The following SH2D4B variants were observed in gnomAD, a reference collection of about 807,000 sequenced individuals.
SH2D4B encodes the protein SH2 domain containing 4B.
SH2D4B carries 45 observed loss-of-function variants against 61.5 expected under a neutral mutation model. That is an observed-to-expected ratio of 0.73 (90% CI 0.58 to 0.94). SH2D4B has a LOEUF of 0.94. SH2D4B is among the 40% of genes least tolerant of loss of function. The probability of loss-of-function intolerance (pLI) is 0.00; values close to 1 mark genes in which losing one functional copy is unlikely to be tolerated. For missense variants in SH2D4B, 572 were observed against 574.2 expected (o/e 1.00, Z 0.04); for synonymous variants, 224 against 220.4 (o/e 1.02, Z -0.14).
chr10:80,559,052 T>C (rs997566175), intron 1 of SH2D4B, among the ~76,000 whole-genome samples: 1 of 152,144 alleles, frequency 6.6e-6, no homozygotes, highest in African/African-American at 2.4e-5. Flanking sequence ...TCTAATGGTA[T>C]ATATTTTTGT....
At chr10:80,572,704 C>CT (rs1349691112) in intron 3 of SH2D4B, among the ~76,000 whole-genome samples, 1 of 151,694 alleles carries the variant, frequency 6.6e-6, no homozygotes, top group Non-Finnish European at 1.5e-5. Context: ...ACTGCAACCT[C>CT]TGCCTCCCGG....
At chr10:80,540,800 C>G in intron 1 of SH2D4B, 1 of 1,546,520 alleles carries the variant, frequency 6.5e-7, no homozygotes, top group Non-Finnish European at 8.7e-7. Context: ...ACTCGAGTGC[C>G]AAGGGTGAGG....
In SH2D4B at chr10:80,634,415, T is replaced by C. The variant is rs1842870897; in HGVS notation, c.1119T>C (p.Phe373=). The change falls in exon 7 of 8, where the codon TTT becomes TTC. Residue 373 remains phenylalanine (F), a synonymous_variant. Coordinates refer to ENST00000646907, the MANE Select transcript of SH2D4B (RefSeq NM_001388272.1). Reference sequence around the variant, plus strand: ...GCCTGCAGAAAGGGTTCAAACACTTTCTTGTGGATGCTTCTGGGGATTTTT... The same window carrying C: ...GCCTGCAGAAAGGGTTCAAACACTTCCTTGTGGATGCTTCTGGGGATTTTT... ...SYRLQKGFKH[F]LVDASGDFYS... is the part of the protein sequence containing the mutation. 1.3e-6 allele frequency: 2 copies of C among 1,550,560 alleles called. No individual in the cohort carries two copies. The highest frequency in any genetic ancestry group is 1.7e-6 in the Non-Finnish European group (2 of 1,146,978).
At position 80,538,244 on chromosome 10, in the gene SH2D4B, C is replaced by T. The variant is rs148380846; in HGVS notation, c.-88C>T. 2,160 of 1,128,744 alleles carry T rather than the reference C, an allele frequency of 1.9e-3. 23 individuals carry two copies. In the African/African-American group the frequency reaches 0.026, roughly 14 times the overall value. 69.9% of individuals were successfully genotyped at this position (1,128,744 alleles called of 1,614,324 possible). A position where few individuals can be genotyped will look rare whatever the true frequency, so the allele number is the denominator to read the frequency against. On this transcript the variant is annotated 5_prime_UTR_variant, in exon 1 of 8. Transcript: ENST00000646907. The surrounding 1 kb of genome is among the most constrained non-coding windows in gnomAD (Gnocchi z 4.8). ...GAGAGTGGCCCCGGATTGAGCAGTC[C>T]GTAGTGCAGAGCAGCCCCTCGGGCG...
intron 3 of SH2D4B, among the ~76,000 whole-genome samples, chr10:80,585,020 G>T (rs531162673): frequency 6.6e-6 from 1 of 152,334 alleles, no homozygotes; most frequent in East Asian, 1.9e-4. Flanking sequence ...AGAGACTGCT[G>T]ATTTTCATTA....
chr10:80,608,387 G>A (rs1184302433), intron 5 of SH2D4B, among the ~76,000 whole-genome samples: 1 of 152,136 alleles, frequency 6.6e-6, no homozygotes, highest in African/African-American at 2.4e-5. Flanking sequence ...GATTACAGGC[G>A]TGAGCCACCG....
intron 6 of SH2D4B, among the ~76,000 whole-genome samples, chr10:80,631,560 T>C (rs1490668524): frequency 6.6e-6 from 1 of 152,244 alleles, no homozygotes; most frequent in Admixed American, 6.5e-5. Flanking sequence ...AACCTAAATG[T>C]CTATTAACAG....
At chr10:80,568,075 A>C (rs1841993461) in intron 1 of SH2D4B, among the ~76,000 whole-genome samples, 1 of 151,762 alleles carries the variant, frequency 6.6e-6, no homozygotes, top group Non-Finnish European at 1.5e-5. Context: ...TCTAAAAATA[A>C]GTGTGAGAGA....
chr10:80,565,214 T>C (rs1054188066), intron 1 of SH2D4B, among the ~76,000 whole-genome samples: 4 of 152,298 alleles, frequency 2.6e-5, no homozygotes, highest in South Asian at 2.1e-4. Context: ...AGGACTCAAA[T>C]AGAGAACAAC....
intron 4 of SH2D4B, among the ~76,000 whole-genome samples, chr10:80,594,813 C>T (rs948915804): frequency 6.6e-6 from 1 of 152,110 alleles, no homozygotes; most frequent in Non-Finnish European, 1.5e-5. Flanking sequence ...CCTTAATTCA[C>T]CTTTTCCACT....
In SH2D4B at chr10:80,603,771, C is replaced by T. The variant is rs780799414; in HGVS notation, c.836C>T (p.Pro279Leu). The change falls in exon 5 of 8, where the codon CCG (proline) becomes CTG (leucine). Residue 279 changes from proline (P) to leucine (L), a missense_variant. Transcript: ENST00000646907. The stretch of plus-strand genomic sequence containing the variant: ...CACCACCTCCCCGACCCGGGTCTGC[C>T]GCAGCCCCTTGCCCTGCCGGTCAGG... ...LYHHLPDPGLPQPLALPVSRT... is the reference protein window; with the variant it reads ...LYHHLPDPGLLQPLALPVSRT... 2.0e-5 allele frequency: 33 copies of T among 1,611,212 alleles called. No individual in the cohort carries two copies. The highest frequency in any genetic ancestry group is 1.7e-4 in the Middle Eastern group (1 of 5,732).
At chr10:80,609,286 GCCCCTTCTTCCACCC>G in intron 5 of SH2D4B, 123 bp from the exon 6 acceptor site, 1 of 691,944 alleles carries the variant, frequency 1.4e-6, no homozygotes, top group Non-Finnish European at 2.2e-6. Context: ...GCCCTCCCCT[GCCCCTTCTTCCACCC>G]CCCCTTCCTC....
chr10:80,568,736 T>C (rs149069370), intron 1 of SH2D4B, among the ~76,000 whole-genome samples: 36 of 152,356 alleles, frequency 2.4e-4, no homozygotes, highest in African/African-American at 8.4e-4. Context: ...CAAATTTCTG[T>C]ATTTGTTCTA....
rs138900964 is a variant in SH2D4B, at chr10:80,609,565, T to C, written c.988+14T>C. The C allele has an allele frequency of 6.2e-7, 1 of 1,613,762 alleles. No individual in the cohort carries two copies. The highest frequency in any genetic ancestry group is 1.3e-5 in the African/African-American group (1 of 75,070). ...CCTGGTTCCATGGTAGCACCATTTT[T>C]CTGGGCCCTGTGCCAGATGATTTCC... On this transcript the variant is annotated intron_variant, in intron 6 of 7. Transcript: ENST00000646907.
chr10:80,599,649 G>A (rs1464547442), intron 4 of SH2D4B, among the ~76,000 whole-genome samples: 1 of 152,172 alleles, frequency 6.6e-6, no homozygotes, highest in Non-Finnish European at 1.5e-5. Flanking sequence ...GGACCACAAG[G>A]GTGGTTGGCT....
chr10:80,592,505 T>G (rs1185288063), intron 4 of SH2D4B, among the ~76,000 whole-genome samples: 2 of 152,220 alleles, frequency 1.3e-5, no homozygotes, highest in East Asian at 3.8e-4. Context: ...CTTTATAGGT[T>G]TAGCCCTTAC....
rs916271651 is a variant in SH2D4B, at chr10:80,539,583, G to GC, written c.184+1074dup. ...CACCTGACAGACTCCATCAGGAGTG[G>GC]CCCCCCTGCCCTGGAGTGTTCAGGG... On this transcript the variant is annotated intron_variant, in intron 1 of 7. Transcript: ENST00000646907. The surrounding 1 kb of genome is among the most constrained non-coding windows in gnomAD (Gnocchi z 4.9). 9.8e-5 allele frequency among the ~76,000 whole-genome samples: 15 copies of GC among 152,306 alleles called. No homozygotes were observed. Among genetic ancestry groups the GC allele is most frequent in the Non-Finnish European group, 2.9e-5 (2 of 68,028 alleles).
At chr10:80,603,549 T>C (rs1842476810) in intron 4 of SH2D4B, 30 bp from the exon 5 acceptor site, 2 of 1,502,898 alleles carry the variant, frequency 1.3e-6, no homozygotes, top group Admixed American at 2.1e-5. Flanking sequence ...GCTGCGGATC[T>C]GGGCTAACGT....
chr10:80,552,732 A>C lies in SH2D4B; in HGVS notation c.184+14217A>C, dbSNP rs1276189906. On this transcript the variant is annotated intron_variant, in intron 1 of 7. Coordinates refer to ENST00000646907, the MANE Select transcript of SH2D4B (RefSeq NM_001388272.1). ...GGTTTTTCTCACCTAAGAATCAGCA[A>C]AGCTTCCTATGGTTTTCCCATTTGG... 2.6e-5 allele frequency among the ~76,000 whole-genome samples: 4 copies of C among 152,280 alleles called. No individual in the cohort carries two copies. In the East Asian group the frequency reaches 7.7e-4, roughly 29 times the overall value.
Sources: allele counts gnomAD v4.1 joint callset (sites outside exome capture counted in the v4.1 genomes callset), GRCh38; gene constraint gnomAD v4.1.1; non-coding constraint Gnocchi (gnomAD v3.1); transcripts MANE v1.5; gene names NCBI Gene and HGNC (gene_info 2026-07-23, HGNC 2026-07-21).